Variants in USO1 observed in about 807,000 individuals in gnomAD.
The protein encoded by USO1 is general vesicular transport factor p115.
Under a neutral mutation model 124.5 loss-of-function variants are expected in USO1, and 57 were observed. The ratio of observed to expected loss-of-function variants is 0.46; its 90% confidence interval spans 0.37 to 0.57. USO1 has a LOEUF of 0.57. Ranked by LOEUF, USO1 falls within the 20% of genes least tolerant of loss-of-function variation. The pLI, the probability that USO1 is intolerant of heterozygous loss-of-function variation, is 0.00. For missense variants in USO1, 900 were observed against 1,040.6 expected (o/e 0.86, Z 1.86); for synonymous variants, 369 against 362.8 (o/e 1.02, Z -0.19).
chr4:75,770,256 G>A lies in USO1; in HGVS notation c.296-183G>A, dbSNP rs1721883179. On this transcript the variant is annotated intron_variant, in intron 4 of 23. Coordinates refer to ENST00000514213, the MANE Select transcript of USO1 (RefSeq NM_003715.4). ...TTTAGCCAATAAAATGTATTTAAAT[G>A]AATTTGAACATTATTTTAAGGATAT... 7.4e-6 allele frequency: 3 copies of A among 405,348 alleles called. No individual in the cohort carries two copies. In the South Asian group the frequency reaches 2.3e-4, roughly 32 times the overall value. The allele number at this position is 405,348 out of a possible 1,614,324, so 25.1% of individuals were successfully genotyped here.
At chr4:75,758,289 T>A (rs1721500237) in intron 4 of USO1, among the ~76,000 whole-genome samples, 1 of 152,212 alleles carries the variant, frequency 6.6e-6, no homozygotes, top group African/African-American at 2.4e-5. Flanking sequence ...CATATCAAAT[T>A]GGCTGTTACA....
intron 3 of USO1, among the ~76,000 whole-genome samples, chr4:75,754,595 A>G (rs536328835): frequency 1.6e-4 from 25 of 152,260 alleles, no homozygotes; most frequent in South Asian, 4.2e-4. Flanking sequence ...TAGGCTTTCC[A>G]TGCCCCCTTC....
At chr4:75,767,654 G>A (rs1378942381) in intron 4 of USO1, 6 of 278,762 alleles carry the variant, frequency 2.2e-5, no homozygotes, top group African/African-American at 9.3e-5. Flanking sequence ...TGAGGCGAGC[G>A]GATCACGAGG....
chr4:75,759,246 C>CTTTTTTTTTTTTATTTTTTTTTTT (rs1721527691), intron 4 of USO1, among the ~76,000 whole-genome samples: 1 of 69,126 alleles, frequency 1.4e-5, no homozygotes, highest in African/African-American at 6.4e-5. Context: ...TATTAAGGAC[C>CTTTTTTTTTTTTATTTTTTTTTTT]TTTTTTTTTT....
At chr4:75,772,502 G>T (rs1347344220) in intron 7 of USO1, among the ~76,000 whole-genome samples, 1 of 152,066 alleles carries the variant, frequency 6.6e-6, no homozygotes, top group Admixed American at 6.6e-5. Flanking sequence ...CTCCCAAAGT[G>T]CTGGGATTAC....
chr4:75,771,954 A>G (rs557717650), intron 7 of USO1, among the ~76,000 whole-genome samples: 1 of 152,332 alleles, frequency 6.6e-6, no homozygotes, highest in African/African-American at 2.4e-5. Context: ...CCCAAGACCC[A>G]CAGAAACCAA....
intron 4 of USO1, among the ~76,000 whole-genome samples, chr4:75,762,083 A>G (rs1032252340): frequency 2.6e-5 from 4 of 151,656 alleles, no homozygotes; most frequent in Admixed American, 6.6e-5. Context: ...GTATTTTTCT[A>G]CTTTCTAAAG....
intron 8 of USO1, among the ~76,000 whole-genome samples, chr4:75,776,121 C>T (rs554579721): frequency 4.6e-5 from 7 of 152,118 alleles, no homozygotes; most frequent in East Asian, 3.9e-4. Context: ...AATGAGAAGT[C>T]GTAAGAGATG....
chr4:75,757,686 T>C, intron 4 of USO1, 113 bp downstream of exon 4: 1 of 1,052,766 alleles, frequency 9.5e-7, no homozygotes, highest in Non-Finnish European at 1.2e-6. Context: ...GTTTTTTTAC[T>C]TTTTTCATTA....
rs908247189 is a variant in USO1 at position 75,777,080 on chromosome 4, G to A, written c.676+2284G>A. 1.1e-4 allele frequency among the ~76,000 whole-genome samples: 16 copies of A among 151,942 alleles called. No individual in the cohort carries two copies. In the South Asian group the frequency reaches 3.1e-3, roughly 30 times the overall value. ...TAAAATAGATTGCAGGATATATCTGGGTTTTTAAAATTACTTTTCTATCTT... is the reference window on the plus strand; with the variant it reads ...TAAAATAGATTGCAGGATATATCTGAGTTTTTAAAATTACTTTTCTATCTT... On this transcript the variant is annotated intron_variant, in intron 8 of 23. Transcript: ENST00000514213.
At chr4:75,795,824 A>G (rs1310190624) in intron 13 of USO1, among the ~76,000 whole-genome samples, 1 of 152,214 alleles carries the variant, frequency 6.6e-6, no homozygotes, top group Non-Finnish European at 1.5e-5. Context: ...GAAATATTTT[A>G]AATGAAATAT....
At chr4:75,732,542 A>C in intron 1 of USO1, among the ~76,000 whole-genome samples, 1 of 152,224 alleles carries the variant, frequency 6.6e-6, no homozygotes, top group Middle Eastern at 3.4e-3. Context: ...AAAACATTAT[A>C]ATTGAAATGA....
intron 10 of USO1, among the ~76,000 whole-genome samples, chr4:75,788,948 G>A (rs1934019395): frequency 6.6e-6 from 1 of 152,026 alleles, no homozygotes; most frequent in African/African-American, 2.4e-5. Flanking sequence ...TTAATGTTTG[G>A]CTAGATATGG....
Position 75,788,180 on chromosome 4 carries a change from T to A in USO1, c.996+978T>A, listed in dbSNP as rs796474678. 8.3e-3 allele frequency among the ~76,000 whole-genome samples: 1,229 copies of A among 148,110 alleles called. 18 individuals carry two copies. Among genetic ancestry groups the A allele is most frequent in the African/African-American group, 0.028 (1,141 of 40,604 alleles). ...ATTTATTTATTTATTTATTTTTTTT[T>A]TTTTTTGTACAGAGTCTCAGTCTGT... On this transcript the variant is annotated intron_variant, in intron 10 of 23. Coordinates refer to ENST00000514213, the MANE Select transcript of USO1 (RefSeq NM_003715.4).
At chr4:75,804,330 T>C in intron 18 of USO1, 58 bp downstream of exon 18, 1 of 1,542,296 alleles carries the variant, frequency 6.5e-7, no homozygotes, top group Non-Finnish European at 8.7e-7. Flanking sequence ...CCTCAAGAGC[T>C]AGACAAAGTA....
At chr4:75,787,803 A>G (rs993628431) in intron 10 of USO1, among the ~76,000 whole-genome samples, 1 of 152,146 alleles carries the variant, frequency 6.6e-6, no homozygotes, top group Non-Finnish European at 1.5e-5. Context: ...TTATATTTAA[A>G]TCAGTAGTTG....
At chr4:75,745,800 T>C (rs1389909427) in intron 1 of USO1, among the ~76,000 whole-genome samples, 1 of 151,906 alleles carries the variant, frequency 6.6e-6, no homozygotes, top group Non-Finnish European at 1.5e-5. Flanking sequence ...CTCAGGAGGC[T>C]GAGGTGAGAG....
chr4:75,779,416 A>G (rs1383866373), intron 8 of USO1, among the ~76,000 whole-genome samples: 2 of 152,254 alleles, frequency 1.3e-5, no homozygotes, highest in African/African-American at 2.4e-5. Flanking sequence ...GCTAGGCCCA[A>G]TAGCCAAGTT....
At position 75,781,450 on chromosome 4, in the gene USO1, T is replaced by C. The variant is rs545502334; in HGVS notation, c.677-1230T>C. ...TTGACTCCAGTTTTGAAAGAATTTCTACTGGAAGTAAAATGACTCACTGAA... is the reference window on the plus strand; with the variant it reads ...TTGACTCCAGTTTTGAAAGAATTTCCACTGGAAGTAAAATGACTCACTGAA... On this transcript the variant is annotated intron_variant, in intron 8 of 23. Coordinates refer to ENST00000514213, the MANE Select transcript of USO1 (RefSeq NM_003715.4). 7.9e-5 allele frequency among the ~76,000 whole-genome samples: 12 copies of C among 152,342 alleles called. No individual in the cohort carries two copies. In the South Asian group the frequency reaches 1.7e-3, roughly 21 times the overall value.
Sources: allele counts gnomAD v4.1 joint callset (sites outside exome capture counted in the v4.1 genomes callset), GRCh38; gene constraint gnomAD v4.1.1; transcripts MANE v1.5; gene names NCBI Gene and HGNC (gene_info 2026-07-23, HGNC 2026-07-21).